The following KCNH5 variants were observed in gnomAD, a reference collection of about 807,000 sequenced individuals.
KCNH5 encodes voltage-gated delayed rectifier potassium channel KCNH5.
A neutral mutation model predicts 96.1 loss-of-function variants in KCNH5; 46 were observed. The observed-to-expected ratio is 0.48, with a 90% confidence interval of 0.38 to 0.61. The LOEUF (loss-of-function observed/expected upper bound fraction) is 0.61. Among genes scored for constraint, KCNH5 ranks in the 20% least tolerant of loss-of-function variants. KCNH5 has a pLI of 0.00. For synonymous variants in KCNH5, 439 were observed against 449.8 expected (o/e 0.98, Z 0.30); for missense variants, 907 against 1,225.8 (o/e 0.74, Z 3.88).
At chr14:62,818,028 G>C (rs1413858193) in intron 8 of KCNH5, among the ~76,000 whole-genome samples, 1 of 139,068 alleles carries the variant, frequency 7.2e-6, no homozygotes, top group Non-Finnish European at 1.5e-5. Context: ...GACTAATACT[G>C]CTTGATCTCA....
At chr14:62,936,732 C>T (rs1055231640) in intron 7 of KCNH5, among the ~76,000 whole-genome samples, 2 of 150,120 alleles carry the variant, frequency 1.3e-5, no homozygotes, top group Non-Finnish European at 3.0e-5. Context: ...AATCCTAGCA[C>T]TTTGGGCGGC....
At chr14:62,990,700 A>T (rs1160502207) in intron 4 of KCNH5, among the ~76,000 whole-genome samples, 1 of 152,018 alleles carries the variant, frequency 6.6e-6, no homozygotes, top group Non-Finnish European at 1.5e-5. Context: ...CAGATCTTAT[A>T]TTTTCTATCC....
At chr14:62,905,499 G>A (rs375656517) in intron 7 of KCNH5, among the ~76,000 whole-genome samples, 1 of 151,990 alleles carries the variant, frequency 6.6e-6, no homozygotes, top group African/African-American at 2.4e-5. Flanking sequence ...CTTCATTGAG[G>A]GGGGCAGGGG....
At chr14:62,816,842 T>C (rs1239972262) in intron 8 of KCNH5, among the ~76,000 whole-genome samples, 1 of 151,586 alleles carries the variant, frequency 6.6e-6, no homozygotes, top group African/African-American at 2.4e-5. Context: ...TTTTTCATTC[T>C]TTTTTCTTCT....
At chr14:62,867,535 T>C (rs961292916) in intron 7 of KCNH5, among the ~76,000 whole-genome samples, 1 of 152,234 alleles carries the variant, frequency 6.6e-6, no homozygotes, top group Non-Finnish European at 1.5e-5. Context: ...AACCCATCTC[T>C]TCCCTATACC....
At chr14:62,902,293 G>A (rs1231793398) in intron 7 of KCNH5, among the ~76,000 whole-genome samples, 1 of 151,260 alleles carries the variant, frequency 6.6e-6, no homozygotes, top group Non-Finnish European at 1.5e-5. Flanking sequence ...TTCCAAGGCT[G>A]ATGACTAGAA....
intron 4 of KCNH5, among the ~76,000 whole-genome samples, chr14:62,997,899 CAAAAAAA>C (rs568941043): frequency 2.3e-4 from 14 of 60,828 alleles, no homozygotes; most frequent in African/African-American, 6.7e-4. Context: ...GACTCCATCT[CAAAAAAA>C]AAAAAAAAAA....
intron 2 of KCNH5, among the ~76,000 whole-genome samples, chr14:63,013,246 G>A (rs989378150): frequency 1.3e-5 from 2 of 152,008 alleles, no homozygotes; most frequent in African/African-American, 4.8e-5. Flanking sequence ...ATTCAAAACT[G>A]TGGCATGTAA....
intron 6 of KCNH5, among the ~76,000 whole-genome samples, chr14:62,953,948 C>A (rs1890053224): frequency 6.6e-6 from 1 of 152,146 alleles, no homozygotes; most frequent in African/African-American, 2.4e-5. Flanking sequence ...TTCATGTTGG[C>A]TCATTACCTA....
chr14:62,898,499 C>T (rs1251293460), intron 7 of KCNH5, among the ~76,000 whole-genome samples: 1 of 152,086 alleles, frequency 6.6e-6, no homozygotes, highest in Non-Finnish European at 1.5e-5. Flanking sequence ...AGATTACAGA[C>T]ATGAATTTAA....
At chr14:62,995,131 A>G (rs892996461) in intron 4 of KCNH5, among the ~76,000 whole-genome samples, 1 of 152,108 alleles carries the variant, frequency 6.6e-6, no homozygotes, top group African/African-American at 2.4e-5. Flanking sequence ...CATTTATTTA[A>G]GTCTTTCAAT....
intron 7 of KCNH5, among the ~76,000 whole-genome samples, chr14:62,942,275 T>A (rs1889803979): frequency 6.6e-6 from 1 of 152,140 alleles, no homozygotes; most frequent in African/African-American, 2.4e-5. Flanking sequence ...AGTCACTGAT[T>A]TCAACTTTGG....
intron 10 of KCNH5, among the ~76,000 whole-genome samples, chr14:62,734,709 T>C (rs776544852): frequency 2.0e-5 from 3 of 152,116 alleles, no homozygotes; most frequent in Non-Finnish European, 4.4e-5. Context: ...AATTACCTAT[T>C]AGCATCTCTC....
intron 1 of KCNH5, among the ~76,000 whole-genome samples, chr14:63,040,631 T>C (rs1891805979): frequency 6.6e-6 from 1 of 152,140 alleles, no homozygotes; most frequent in South Asian, 2.1e-4. Flanking sequence ...ACCAAAATAA[T>C]GTCCATTTGT....
Position 62,704,796 on chromosome 14 carries a change from T to C in KCNH5, c.*2712A>G, listed in dbSNP as rs1043064543. On this transcript the variant is annotated 3_prime_UTR_variant, in exon 11 of 11. Coordinates refer to ENST00000322893, the MANE Select transcript of KCNH5 (RefSeq NM_139318.5). The stretch of plus-strand genomic sequence containing the variant: ...TCCTCAAAAGAGCATCTACTGTCTA[T>C]GTGCTAGTTGAGGCAACATAGAACA... 1 of 152,012 alleles carries C rather than the reference T, an allele frequency of 6.6e-6. No individual in the cohort carries two copies. Among genetic ancestry groups the C allele is most frequent in the Non-Finnish European group, 1.5e-5 (1 of 67,858 alleles). The allele number at this position is 152,012 out of a possible 1,614,324, so 9.4% of individuals were successfully genotyped here.
rs1304355040 is a variant in KCNH5 at position 62,708,022 on chromosome 14, A to G, written c.2453T>C (p.Met818Thr). 8.1e-6 allele frequency: 13 copies of G among 1,613,976 alleles called. No homozygotes were observed. The highest frequency in any genetic ancestry group is 1.1e-5 in the Non-Finnish European group (13 of 1,180,044). Residue 818 changes from methionine to threonine, a missense_variant, in exon 11 of 11, where the codon ATG becomes ACG. Coordinates refer to ENST00000322893, the MANE Select transcript of KCNH5 (RefSeq NM_139318.5). The part of the protein sequence containing the change: ...GKGWLRLKNN[M>T]GAHEEKKEDW... ...TTCCTTTTTCTCCTCATGGGCTCCC[A>G]TATTATTCTTGAGTCGCAGCCACCC...
intron 7 of KCNH5, among the ~76,000 whole-genome samples, chr14:62,934,514 T>G (rs1889641398): frequency 6.6e-6 from 1 of 152,172 alleles, no homozygotes; most frequent in South Asian, 2.1e-4. Flanking sequence ...GTATGGCAAG[T>G]GCATTTATGC....
At chr14:62,941,323 T>C (rs1442249579) in intron 7 of KCNH5, among the ~76,000 whole-genome samples, 1 of 151,950 alleles carries the variant, frequency 6.6e-6, no homozygotes, top group African/African-American at 2.4e-5. Context: ...GAAAGATGGG[T>C]ATAAAAGAAC....
chr14:62,814,260 TTG>T (rs1392882194), intron 8 of KCNH5, among the ~76,000 whole-genome samples: 2 of 152,124 alleles, frequency 1.3e-5, no homozygotes, highest in African/African-American at 4.8e-5. Flanking sequence ...CAAACAGCAA[TTG>T]TTACCATTTT....
Sources: allele counts gnomAD v4.1 joint callset (sites outside exome capture counted in the v4.1 genomes callset), GRCh38; gene constraint gnomAD v4.1.1; transcripts MANE v1.5; gene names NCBI Gene and HGNC (gene_info 2026-07-23, HGNC 2026-07-21).